Variants in NPAS3 observed in about 807,000 individuals in gnomAD.
NPAS3 encodes neuronal PAS domain-containing protein 3.
Under a neutral mutation model 73.1 loss-of-function variants are expected in NPAS3, and 14 were observed. The ratio of observed to expected loss-of-function variants is 0.19; its 90% CI spans 0.13 to 0.30. NPAS3 has a LOEUF of 0.30. Among genes scored for constraint, NPAS3 ranks in the 10% least tolerant of loss-of-function variants. The probability of loss-of-function intolerance (pLI) is 1.00; values close to 1 mark genes in which losing one functional copy is unlikely to be tolerated. For missense variants in NPAS3, 1,096 were observed against 1,250.0 expected, an observed-to-expected ratio of 0.88 and a Z score of 1.86; for synonymous variants, 620 against 541.5, an observed-to-expected ratio of 1.14 and a Z score of -2.01.
intron 4 of NPAS3, among the ~76,000 whole-genome samples, chr14:33,400,783 T>C (rs1291214782): frequency 6.6e-6 from 1 of 151,812 alleles, no homozygotes; most frequent in Non-Finnish European, 1.5e-5. Flanking sequence ...GTGGTGGCAG[T>C]GGTGGTGGTG....
At chr14:33,095,918 C>T (rs1312424048) in intron 2 of NPAS3, among the ~76,000 whole-genome samples, 1 of 151,332 alleles carries the variant, frequency 6.6e-6, no homozygotes, top group East Asian at 1.9e-4. Context: ...GTGATTCGCC[C>T]GATTCGCCCG....
At chr14:33,372,076 C>G (rs2046114695) in intron 4 of NPAS3, among the ~76,000 whole-genome samples, 1 of 152,108 alleles carries the variant, frequency 6.6e-6, no homozygotes, top group Admixed American at 6.6e-5. Context: ...AAAACACTTA[C>G]AGTTGGAGTA....
intron 10 of NPAS3, among the ~76,000 whole-genome samples, chr14:33,795,437 A>C (rs1448873829): frequency 1.3e-5 from 2 of 152,336 alleles, no homozygotes; most frequent in East Asian, 3.9e-4. Flanking sequence ...TGGAATAATT[A>C]CTATAGGGAA....
chr14:33,162,055 C>T (rs1241339420), intron 2 of NPAS3, among the ~76,000 whole-genome samples: 1 of 152,186 alleles, frequency 6.6e-6, no homozygotes, highest in African/African-American at 2.4e-5. Flanking sequence ...AGAGTAGGCA[C>T]CATGCCGGGC....
intron 4 of NPAS3, among the ~76,000 whole-genome samples, chr14:33,464,351 A>T (rs2050411206): frequency 6.6e-6 from 1 of 152,140 alleles, no homozygotes; most frequent in African/African-American, 2.4e-5. Flanking sequence ...GCGTTAACTC[A>T]TGGTAACAGT....
rs1375584098 is a variant in NPAS3 at position 33,264,101 on chromosome 14, G to A, written c.385+48675G>A. ...GGAATACTATGCGGCCATAAAAAAT[G>A]ATGAGTTCATATCCTTTGTAGAGAC... On this transcript the variant is annotated intron_variant, in intron 3 of 11. Transcript: ENST00000356141. 3.3e-5 allele frequency among the ~76,000 whole-genome samples: 5 copies of A among 152,294 alleles called. No individual in the cohort carries two copies. The East Asian group carries it at 7.7e-4, about 23-fold the overall frequency.
At chr14:33,179,043 C>CT (rs1375284372) in intron 2 of NPAS3, among the ~76,000 whole-genome samples, 3 of 151,838 alleles carry the variant, frequency 2.0e-5, no homozygotes, top group Admixed American at 6.6e-5. Flanking sequence ...TGTCAAATAC[C>CT]TTTTTTAAAA....
Position 32,970,559 on chromosome 14 carries a change from G to A in NPAS3, c.50+31193G>A, listed in dbSNP as rs536115271. 1.4e-4 allele frequency among the ~76,000 whole-genome samples: 21 copies of A among 152,216 alleles called. 1 individual carries two copies. The highest frequency in any genetic ancestry group is 3.9e-4 in the Admixed American group (6 of 15,298). On this transcript the variant is annotated intron_variant, in intron 1 of 11. Transcript: ENST00000356141. ...TTTCTTGGGGATGTTGTAATGAAGT[G>A]CTGCAAACTGGGTGGCTTAAACAGT...
Position 33,636,940 on chromosome 14 carries a change from GT to G in NPAS3, c.559-39268del, listed in dbSNP as rs1316516124. On this transcript the variant is annotated intron_variant, in intron 5 of 11. Transcript: ENST00000356141. Reference sequence around the variant, plus strand: ...ACACACACACACAGAGTAATTGCAGGTTTAAAGATTAACAGAATTGGTCTAT... The same window carrying G: ...ACACACACACACAGAGTAATTGCAGGTTAAAGATTAACAGAATTGGTCTAT... 2.1e-5 allele frequency among the ~76,000 whole-genome samples: 3 copies of G among 145,960 alleles called. No homozygotes were observed. The Admixed American group carries it at 2.1e-4, about 10-fold the overall frequency.
intron 2 of NPAS3, among the ~76,000 whole-genome samples, chr14:33,068,907 C>T (rs1437552203): frequency 6.6e-6 from 1 of 152,030 alleles, no homozygotes; most frequent in Non-Finnish European, 1.5e-5. Context: ...AGGACAGTGG[C>T]AGGAGACAGG....
intron 1 of NPAS3, among the ~76,000 whole-genome samples, chr14:33,051,296 A>AAAAAAAAAAAAGAG (rs771840433): frequency 2.2e-4 from 32 of 142,518 alleles, no homozygotes; most frequent in African/African-American, 8.3e-4. Flanking sequence ...AAAAAAAAAA[A>AAAAAAAAAAAAGAG]AGAGAGACTA....
At chr14:33,203,742 T>C (rs2046712994) in intron 2 of NPAS3, among the ~76,000 whole-genome samples, 1 of 152,222 alleles carries the variant, frequency 6.6e-6, no homozygotes, top group Admixed American at 6.5e-5. Flanking sequence ...TTTGGGTTGG[T>C]TCCAAGTCTT....
intron 4 of NPAS3, among the ~76,000 whole-genome samples, chr14:33,537,893 C>T (rs1353270595): frequency 1.3e-5 from 2 of 152,148 alleles, no homozygotes; most frequent in East Asian, 3.9e-4. Flanking sequence ...GCACTGCTCG[C>T]CTTGACGATC....
At chr14:33,387,198 A>T (rs576393718) in intron 4 of NPAS3, among the ~76,000 whole-genome samples, 2 of 152,272 alleles carry the variant, frequency 1.3e-5, no homozygotes, top group East Asian at 3.9e-4. Flanking sequence ...AGTCTGTTCA[A>T]TGTCAGATGA....
At chr14:33,326,376 A>T (rs1338313749) in intron 3 of NPAS3, among the ~76,000 whole-genome samples, 2 of 152,224 alleles carry the variant, frequency 1.3e-5, no homozygotes, top group Non-Finnish European at 2.9e-5. Flanking sequence ...TTTTAAAAAC[A>T]AAAGCATCGT....
chr14:33,288,577 G>A (rs536623627), intron 3 of NPAS3, among the ~76,000 whole-genome samples: 5 of 152,052 alleles, frequency 3.3e-5, no homozygotes, highest in Non-Finnish European at 5.9e-5. Flanking sequence ...AGAGGCTAAA[G>A]AGTCATACTG....
intron 2 of NPAS3, among the ~76,000 whole-genome samples, chr14:33,076,765 C>G (rs2152400): frequency 0.017 from 2,555 of 152,334 alleles, 36 homozygotes; most frequent in South Asian, 0.052. Flanking sequence ...GCTTGACTTT[C>G]ATCTTTATCT....
At chr14:33,787,376 C>A (rs926101929) in intron 9 of NPAS3, among the ~76,000 whole-genome samples, 1 of 152,078 alleles carries the variant, frequency 6.6e-6, no homozygotes, top group Non-Finnish European at 1.5e-5. Context: ...CAATAAAAAT[C>A]TATCAATTGG....
rs188302154 is a variant in NPAS3 at position 33,591,529 on chromosome 14, A to G, written c.558+31319A>G. 1.5e-3 allele frequency among the ~76,000 whole-genome samples: 235 copies of G among 152,320 alleles called. 1 individual carries two copies. The highest frequency in any genetic ancestry group is 5.3e-3 in the African/African-American group (221 of 41,578). ...TGACTACCATCCAACCCCTAAAGTG[A>G]GCAAAAGCAAAGCAGAATTCCTAAA... On this transcript the variant is annotated intron_variant, in intron 5 of 11. Transcript: ENST00000356141.
Sources: allele counts gnomAD v4.1 joint callset (sites outside exome capture counted in the v4.1 genomes callset), GRCh38; gene constraint gnomAD v4.1.1; transcripts MANE v1.5; gene names NCBI Gene and HGNC (gene_info 2026-07-23, HGNC 2026-07-21).